The following MET variants were observed in gnomAD, a reference collection of about 807,000 sequenced individuals.
MET encodes hepatocyte growth factor receptor.
Under a neutral mutation model 133.1 loss-of-function variants are expected in MET, and 48 were observed. That is an observed-to-expected ratio of 0.36 (90% confidence interval 0.29 to 0.46). The LOEUF is 0.46. MET is among the 20% of genes least tolerant of loss of function. The probability of loss-of-function intolerance (pLI) is 1.00; values close to 1 mark genes in which losing one functional copy is unlikely to be tolerated. For synonymous variants in MET, 628 were observed against 616.5 expected, an observed-to-expected ratio of 1.02 and a Z score of -0.28; for missense variants, 1,442 against 1,695.9, an observed-to-expected ratio of 0.85 and a Z score of 2.63.
chr7:116,716,529 GAAAGAAAGA>G (rs1792245010), intron 2 of MET, among the ~76,000 whole-genome samples: 1 of 142,812 alleles, frequency 7.0e-6, no homozygotes, highest in East Asian at 2.1e-4. Flanking sequence ...AAGAAAGAAA[GAAAGAAAGA>G]AGATATGAAC....
At chr7:116,733,127 G>A (rs975076982) in intron 3 of MET, among the ~76,000 whole-genome samples, 16 of 151,690 alleles carry the variant, frequency 1.1e-4, no homozygotes, top group Non-Finnish European at 2.2e-4. Flanking sequence ...GGGAAGCCCC[G>A]CCCCTCCCAC....
chr7:116,742,757 A>T (rs1793508645), intron 5 of MET, among the ~76,000 whole-genome samples: 1 of 152,196 alleles, frequency 6.6e-6, no homozygotes, highest in South Asian at 2.1e-4. Flanking sequence ...TCTATAGTTG[A>T]TGATTCTCAA....
chr7:116,749,812 A>G (rs1302038623), intron 5 of MET, among the ~76,000 whole-genome samples: 3 of 152,210 alleles, frequency 2.0e-5, no homozygotes, highest in Non-Finnish European at 4.4e-5. Flanking sequence ...CCATACACCA[A>G]TAATAGACAA....
intron 1 of MET, among the ~76,000 whole-genome samples, chr7:116,689,953 G>C (rs1252750802): frequency 6.6e-6 from 1 of 151,976 alleles, no homozygotes; most frequent in Non-Finnish European, 1.5e-5. Context: ...TCTGTCTTGG[G>C]GGGCAATTTT....
At chr7:116,696,932 A>G (rs934059211) in intron 1 of MET, among the ~76,000 whole-genome samples, 5 of 152,126 alleles carry the variant, frequency 3.3e-5, no homozygotes, top group African/African-American at 1.2e-4. Context: ...AATCCTTCTC[A>G]TTTCCGCCTC....
rs1794247110 is a variant in MET, at chr7:116,757,779, T to G, written c.2102+5T>G. The G allele has an allele frequency of 6.2e-7, 1 of 1,613,602 alleles. No homozygotes were observed. Among genetic ancestry groups the G allele is most frequent in the Non-Finnish European group, 8.5e-7 (1 of 1,179,598 alleles). On this transcript the variant is annotated splice_donor_5th_base_variant and intron_variant, in intron 8 of 20. Transcript: ENST00000397752. Reference sequence around the variant, plus strand: ...AAAAACATGTACTTTAAAAAGGTGTTGTAAATTTATTTTTTGTTGCATCTG... The same window carrying G: ...AAAAACATGTACTTTAAAAAGGTGTGGTAAATTTATTTTTTGTTGCATCTG...
At position 116,797,333 on chromosome 7, in the gene MET, G is replaced by C. The variant is rs1275357431; in HGVS notation, c.*1209G>C. On this transcript the variant is annotated 3_prime_UTR_variant, in exon 21 of 21. Coordinates refer to ENST00000397752, the MANE Select transcript of MET (RefSeq NM_000245.4). ...AAAGAAAGGGTGGATGGATTGAAAA[G>C]ATTAGCCTCTGTCTCGGTGGCAGGT... The C allele has an allele frequency of 4.4e-6, 1 of 228,072 alleles. No individual in the cohort carries two copies. The highest frequency in any genetic ancestry group is 8.7e-6 in the Non-Finnish European group (1 of 115,022). 14.1% of individuals were successfully genotyped at this position (228,072 alleles called of 1,614,324 possible). A position where few individuals can be genotyped will look rare whatever the true frequency, so the allele number is the denominator to read the frequency against.
intron 17 of MET, among the ~76,000 whole-genome samples, chr7:116,780,048 T>C (rs1362921039): frequency 6.6e-6 from 1 of 152,252 alleles, no homozygotes; most frequent in Non-Finnish European, 1.5e-5. Context: ...TTCACTGCTG[T>C]GGCTCCAACA....
At chr7:116,700,703 C>G (rs1029436231) in intron 2 of MET, among the ~76,000 whole-genome samples, 1 of 152,130 alleles carries the variant, frequency 6.6e-6, no homozygotes, top group Non-Finnish European at 1.5e-5. Context: ...ACAAGATGTT[C>G]AAGCTAATTT....
At chr7:116,747,186 A>G (rs1562914271) in intron 5 of MET, among the ~76,000 whole-genome samples, 1 of 152,220 alleles carries the variant, frequency 6.6e-6, no homozygotes, top group African/African-American at 2.4e-5. Flanking sequence ...CTGCAGAAAC[A>G]TACCAAATTG....
chr7:116,741,381 C>T (rs1793448640), intron 5 of MET, among the ~76,000 whole-genome samples: 1 of 152,134 alleles, frequency 6.6e-6, no homozygotes, highest in African/African-American at 2.4e-5. Flanking sequence ...CACACTGGGG[C>T]CTGTTCCCTC....
rs866163516 is a variant in MET, at chr7:116,728,460, G to A, written c.1201-3208G>A. Among the ~76,000 whole-genome samples the A allele has an allele frequency of 6.6e-5, 10 of 152,272 alleles. No homozygotes were observed. The South Asian group carries it at 2.1e-3, about 32-fold the overall frequency. On this transcript the variant is annotated intron_variant, in intron 2 of 20. Transcript: ENST00000397752. Reference sequence around the variant, plus strand: ...AGAGTTCTACATTTACGCCTTACATGTGTGCAAACAGGTGCACAGAGGCTA... The same window carrying A: ...AGAGTTCTACATTTACGCCTTACATATGTGCAAACAGGTGCACAGAGGCTA...
chr7:116,713,192 G>A (rs538302158), intron 2 of MET, among the ~76,000 whole-genome samples: 109 of 152,234 alleles, frequency 7.2e-4, no homozygotes, highest in Admixed American at 2.4e-3. Flanking sequence ...TCAGGAGATC[G>A]AGACCATCCC....
At chr7:116,787,251 G>A (rs371997437) in intron 19 of MET, among the ~76,000 whole-genome samples, 1 of 152,164 alleles carries the variant, frequency 6.6e-6, no homozygotes, top group East Asian at 1.9e-4. Flanking sequence ...AAAAGATAGG[G>A]AGAATTAACC....
intron 19 of MET, among the ~76,000 whole-genome samples, chr7:116,785,544 G>A (rs1795286322): frequency 6.6e-6 from 1 of 152,146 alleles, no homozygotes; most frequent in African/African-American, 2.4e-5. Context: ...ACCAAAGGGA[G>A]AAATCTACCT....
In MET at chr7:116,681,025, T is replaced by C. The variant is rs2116474888; in HGVS notation, c.-15+8448T>C. On this transcript the variant is annotated intron_variant, in intron 1 of 20. Transcript: ENST00000397752. The stretch of plus-strand genomic sequence containing the variant: ...TTTACCATTTTCCCACCTTGGGAAA[T>C]GGTGGGAAAATTTAGACATTGCTTT... Among the ~76,000 whole-genome samples the C allele has an allele frequency of 1.3e-5, 2 of 152,114 alleles. 1 individual carries two copies. The highest frequency in any genetic ancestry group is 4.1e-4 in the South Asian group (2 of 4,820).
intron 2 of MET, among the ~76,000 whole-genome samples, chr7:116,726,029 C>T (rs1021274868): frequency 2.1e-5 from 3 of 146,198 alleles, no homozygotes; most frequent in East Asian, 4.0e-4. Flanking sequence ...AGGGGGATAC[C>T]CTGTCTCTCA....
chr7:116,704,538 C>A (rs1791712788), intron 2 of MET, among the ~76,000 whole-genome samples: 1 of 152,106 alleles, frequency 6.6e-6, no homozygotes, highest in Non-Finnish European at 1.5e-5. Flanking sequence ...GGAAGAGGCA[C>A]ATTCTGGTTC....
chr7:116,739,813 G>A, intron 3 of MET, 137 bp from the exon 4 acceptor site: 1 of 1,192,246 alleles, frequency 8.4e-7, no homozygotes. Context: ...GATTTACAAT[G>A]AGGGGAACTG....
Sources: allele counts gnomAD v4.1 joint callset (sites outside exome capture counted in the v4.1 genomes callset), GRCh38; gene constraint gnomAD v4.1.1; transcripts MANE v1.5; gene names NCBI Gene and HGNC (gene_info 2026-07-23, HGNC 2026-07-21).